Variants in DNAJB6 observed in about 807,000 individuals in gnomAD.
DNAJB6 encodes DnaJ heat shock protein family (Hsp40) member B6.
In DNAJB6, 16 loss-of-function variants were observed where a neutral mutation model predicts 42.7. The ratio of observed to expected loss-of-function variants is 0.37; its 90% confidence interval spans 0.25 to 0.57. The LOEUF is 0.57. Among genes scored for constraint, DNAJB6 ranks in the 20% least tolerant of loss-of-function variants. DNAJB6 has a pLI of 0.74. For synonymous variants in DNAJB6, 170 were observed against 163.5 expected, an observed-to-expected ratio of 1.04 and a Z score of -0.30; for missense variants, 347 against 416.8, an observed-to-expected ratio of 0.83 and a Z score of 1.46.
At chr7:157,347,005 G>A (rs1798724181) in intron 1 of DNAJB6, among the ~76,000 whole-genome samples, 3 of 152,122 alleles carry the variant, frequency 2.0e-5, no homozygotes, top group Admixed American at 6.5e-5. Context: ...ACAGGCGCCC[G>A]CCACCACGCC....
At position 157,400,666 on chromosome 7, in the gene DNAJB6, G is replaced by A. The variant is rs1220437003; in HGVS notation, c.692-9129G>A. 3.3e-5 allele frequency among the ~76,000 whole-genome samples: 5 copies of A among 152,314 alleles called. No individual in the cohort carries two copies. In the East Asian group the frequency reaches 7.7e-4, roughly 24 times the overall value. On this transcript the variant is annotated intron_variant, in intron 8 of 9. Coordinates refer to ENST00000262177, the MANE Select transcript of DNAJB6 (RefSeq NM_058246.4). ...GCTCACCGCCGGGGCTCTTGCGTCCGCCTGGCACGTGTCAGCTGTGGGTCC... is the reference window on the plus strand; with the variant it reads ...GCTCACCGCCGGGGCTCTTGCGTCCACCTGGCACGTGTCAGCTGTGGGTCC...
chr7:157,409,317 C>T (rs1563153485), intron 8 of DNAJB6, among the ~76,000 whole-genome samples: 1 of 152,200 alleles, frequency 6.6e-6, no homozygotes, highest in African/African-American at 2.4e-5. Flanking sequence ...GCTGTGGCTC[C>T]CGTGGGCGCC....
intron 1 of DNAJB6, among the ~76,000 whole-genome samples, chr7:157,351,356 C>G (rs1425298866): frequency 6.6e-6 from 1 of 152,052 alleles, no homozygotes; most frequent in African/African-American, 2.4e-5. Context: ...GGGCCGGGCA[C>G]GGTGGCTCAT....
chr7:157,410,013 G>A lies in DNAJB6; in HGVS notation c.898+12G>A. 3.3e-6 allele frequency: 5 copies of A among 1,521,280 alleles called. No individual in the cohort carries two copies. Among genetic ancestry groups the A allele is most frequent in the Non-Finnish European group, 3.5e-6 (4 of 1,136,676 alleles). The allele number at this position is 1,521,280 out of a possible 1,614,324, so 94.2% of individuals were successfully genotyped here. On this transcript the variant is annotated intron_variant, in intron 9 of 9. Transcript: ENST00000262177. ...CGCGTCCGCAGCAGGTGTGCAAAGGGAGGCAGCCGTGGAGCAGGCGCAGAG... is the reference window on the plus strand; with the variant it reads ...CGCGTCCGCAGCAGGTGTGCAAAGGAAGGCAGCCGTGGAGCAGGCGCAGAG...
At chr7:157,337,777 T>C (rs1798125139) in intron 1 of DNAJB6, 1 of 152,268 alleles carries the variant, frequency 6.6e-6, no homozygotes, top group South Asian at 2.1e-4. Context: ...CTGAAGTTTA[T>C]ATAAGAAGTT....
chr7:157,369,594 A>ATTATTAAATAGGCCCCTTCTTAACATTG (rs1800017563), intron 5 of DNAJB6: 1 of 321,126 alleles, frequency 3.1e-6, no homozygotes, highest in African/African-American at 2.2e-5. Context: ...TCTCAACATT[A>ATTATTAAATAGGCCCCTTCTTAACATTG]TTATTAAATA....
chr7:157,396,446 G>C (rs897991778), intron 8 of DNAJB6, among the ~76,000 whole-genome samples: 3 of 152,192 alleles, frequency 2.0e-5, no homozygotes, highest in African/African-American at 4.8e-5. Context: ...TAGAAACAGG[G>C]AACTAAAGAC....
At position 157,366,364 on chromosome 7, in the gene DNAJB6, T is replaced by C. The variant is rs557256067; in HGVS notation, c.176-138T>C. 3.1e-4 allele frequency: 223 copies of C among 714,880 alleles called. No homozygotes were observed. The African/African-American group carries it at 3.8e-3, about 12-fold the overall frequency. 44.3% of individuals were successfully genotyped at this position (714,880 alleles called of 1,614,324 possible). ...TTTTCCCTGTTGCTTTGTTTTGTTT[T>C]AAAGAAAAGGTGGCCATACTCCTTG... On this transcript the variant is annotated intron_variant, in intron 3 of 9. Transcript: ENST00000262177.
At chr7:157,404,385 C>T (rs186542908) in intron 8 of DNAJB6, among the ~76,000 whole-genome samples, 16 of 150,820 alleles carry the variant, frequency 1.1e-4, no homozygotes, top group Admixed American at 7.2e-4. Flanking sequence ...TGAACCCCCT[C>T]GGCTCAAGTA....
intron 8 of DNAJB6, among the ~76,000 whole-genome samples, chr7:157,401,101 A>G (rs1232389520): frequency 6.6e-6 from 1 of 152,098 alleles, no homozygotes; most frequent in African/African-American, 2.4e-5. Context: ...TCTCTGGCCC[A>G]CCACGAGCCC....
chr7:157,356,357 T>G (rs924717773), intron 1 of DNAJB6, among the ~76,000 whole-genome samples: 1 of 152,226 alleles, frequency 6.6e-6, no homozygotes, highest in African/African-American at 2.4e-5. Context: ...GCTTGTTGCC[T>G]GCTCTGTCTT....
chr7:157,409,420 A>T (rs1186762260), intron 8 of DNAJB6, among the ~76,000 whole-genome samples: 2 of 152,154 alleles, frequency 1.3e-5, no homozygotes, highest in African/African-American at 4.8e-5. Context: ...TGGACCCAGA[A>T]CCTTTCTTCC....
chr7:157,369,297 G>A (rs915293398), intron 5 of DNAJB6: 1 of 456,604 alleles, frequency 2.2e-6, no homozygotes, highest in African/African-American at 2.0e-5. Flanking sequence ...ATTGATCTCT[G>A]TCTTAAAAAT....
chr7:157,344,593 G>GT (rs1307435580), intron 1 of DNAJB6, among the ~76,000 whole-genome samples: 150 of 151,860 alleles, frequency 9.9e-4, no homozygotes, highest in African/African-American at 3.3e-3. Context: ...GAAATTATTT[G>GT]TTTTTTTATT....
At chr7:157,412,316 A>T (rs937774342) in intron 9 of DNAJB6, 9 of 152,306 alleles carry the variant, frequency 5.9e-5, no homozygotes, top group African/African-American at 2.2e-4. Flanking sequence ...GACAGGGAAG[A>T]GGTTGAGCAA....
At chr7:157,353,629 T>TGTGTGTG (rs1799124462) in intron 1 of DNAJB6, among the ~76,000 whole-genome samples, 1 of 113,330 alleles carries the variant, frequency 8.8e-6, no homozygotes, top group African/African-American at 3.7e-5. Context: ...GTGTATGTAT[T>TGTGTGTG]TTTTTTTGTT....
chr7:157,391,907 A>T (rs772861942), intron 8 of DNAJB6, among the ~76,000 whole-genome samples: 2 of 152,038 alleles, frequency 1.3e-5, no homozygotes, highest in Non-Finnish European at 2.9e-5. Context: ...GTTCAAGACC[A>T]GCCTGGGCAA....
At chr7:157,406,352 AC>A (rs1243332936) in intron 8 of DNAJB6, among the ~76,000 whole-genome samples, 2 of 152,234 alleles carry the variant, frequency 1.3e-5, no homozygotes, top group Non-Finnish European at 2.9e-5. Context: ...CACCTCACTA[AC>A]CATGAGGTTT....
intron 2 of DNAJB6, among the ~76,000 whole-genome samples, chr7:157,361,400 G>C (rs2116964114): frequency 6.6e-6 from 1 of 152,168 alleles, no homozygotes; most frequent in East Asian, 1.9e-4. Context: ...CTCGTGATCT[G>C]CCTGCCTCAG....
Sources: allele counts gnomAD v4.1 joint callset (sites outside exome capture counted in the v4.1 genomes callset), GRCh38; gene constraint gnomAD v4.1.1; transcripts MANE v1.5; gene names NCBI Gene and HGNC (gene_info 2026-07-23, HGNC 2026-07-21).